Variants in TRPM8 observed in about 807,000 individuals in gnomAD.
TRPM8 encodes the protein TRPM8 cationic channel.
In TRPM8, 110 loss-of-function variants were observed where a neutral mutation model predicts 133.7. That is an observed-to-expected ratio of 0.82 (90% CI 0.70 to 0.96). The LOEUF (loss-of-function observed/expected upper bound fraction) is 0.96. Ranked by LOEUF, TRPM8 falls within the 40% of genes least tolerant of loss-of-function variation. TRPM8 has a pLI of 0.00. For missense variants in TRPM8, 1,291 were observed against 1,379.5 expected (o/e 0.94, Z 1.02); for synonymous variants, 535 against 532.3 (o/e 1.01, Z -0.07).
In TRPM8 at chr2:233,927,845, TTCCTTC is replaced by T. The variant is rs1360430947; in HGVS notation, c.117+1192_117+1197del. Among the ~76,000 whole-genome samples, 258 of 82,998 alleles carry T rather than the reference TTCCTTC, an allele frequency of 3.1e-3. 34 individuals are homozygous for T. Among genetic ancestry groups the T allele is most frequent in the Middle Eastern group, 5.1e-3 (1 of 196 alleles). 54.4% of individuals were successfully genotyped at this position (82,998 alleles called of 152,430 possible). On this transcript the variant is annotated intron_variant, in intron 2 of 25. Transcript: ENST00000324695. ...CTTCCTTCCTTCCTTCCTTCCTTCC[TTCCTTC>T]CTTTCTTTCTCTTTCTTTCTTTCTT...
At chr2:234,003,945 G>A (rs572642076) in intron 22 of TRPM8, among the ~76,000 whole-genome samples, 2 of 152,160 alleles carry the variant, frequency 1.3e-5, no homozygotes, top group South Asian at 2.1e-4. Context: ...CTCCAGATTA[G>A]GGGTGAGGTT....
At chr2:233,921,062 T>C (rs1262786085) in intron 1 of TRPM8, among the ~76,000 whole-genome samples, 1 of 152,044 alleles carries the variant, frequency 6.6e-6, no homozygotes, top group African/African-American at 2.4e-5. Context: ...GGTTTCACCA[T>C]GTTGGCCAGG....
intron 6 of TRPM8, chr2:233,942,994 ACAGT>A: frequency 1.7e-6 from 1 of 587,992 alleles, no homozygotes; most frequent in Non-Finnish European, 3.0e-6. Context: ...ATCTCATATC[ACAGT>A]CAGGTTCTTT....
At chr2:233,961,612 CTTCTTTTCTT>C (rs1175402298) in intron 12 of TRPM8, among the ~76,000 whole-genome samples, 9 of 135,038 alleles carry the variant, frequency 6.7e-5, no homozygotes, top group African/African-American at 2.0e-4. Context: ...CCTCTTTTTT[CTTCTTTTCTT>C]TTCTTTTCTT....
intron 21 of TRPM8, among the ~76,000 whole-genome samples, chr2:233,994,290 A>G (rs892649780): frequency 6.6e-6 from 1 of 152,190 alleles, no homozygotes; most frequent in African/African-American, 2.4e-5. Context: ...GATGCTTGCT[A>G]TTAGCCTCAA....
In TRPM8 at chr2:233,939,158, A is replaced by G. The variant is rs1392198455; in HGVS notation, c.509A>G (p.Tyr170Cys). The part of the protein sequence containing the change: ...RMRKIFSRLI[Y>C]IAQSKGAWIL... ...CGCAAGATCTTCAGCCGGCTCATCT[A>G]CATCGCGCAGTCCAAAGGTGAGGGT... The change falls in exon 5 of 26, where the codon TAC (tyrosine) becomes TGC (cysteine). Residue 170 changes from tyrosine to cysteine, a missense_variant. Transcript: ENST00000324695. 2 of 1,614,054 alleles carry G rather than the reference A, an allele frequency of 1.2e-6. No homozygotes were observed. The highest frequency in any genetic ancestry group is 1.1e-5 in the South Asian group (1 of 91,080).
chr2:234,018,540 C>T lies in TRPM8; in HGVS notation c.*1284C>T, dbSNP rs1425562250. 1 of 151,820 alleles carries T rather than the reference C, an allele frequency of 6.6e-6. No individual in the cohort carries two copies. Among genetic ancestry groups the T allele is most frequent in the East Asian group, 1.9e-4 (1 of 5,198 alleles). 9.4% of individuals were successfully genotyped at this position (151,820 alleles called of 1,614,324 possible). ...AAGATATGAGATACATGAACCTGAACTATTAAAATAAAATATTATATTTAA... is the reference window on the plus strand; with the variant it reads ...AAGATATGAGATACATGAACCTGAATTATTAAAATAAAATATTATATTTAA... On this transcript the variant is annotated 3_prime_UTR_variant, in exon 26 of 26. Coordinates refer to ENST00000324695, the MANE Select transcript of TRPM8 (RefSeq NM_024080.5).
At chr2:233,990,598 G>A (rs1322986382) in intron 21 of TRPM8, among the ~76,000 whole-genome samples, 2 of 152,142 alleles carry the variant, frequency 1.3e-5, no homozygotes, top group Non-Finnish European at 2.9e-5. Flanking sequence ...CTATTATAAT[G>A]AGCACAGGTC....
At chr2:233,988,490 G>GA (rs1559543432) in intron 21 of TRPM8, among the ~76,000 whole-genome samples, 2 of 151,862 alleles carry the variant, frequency 1.3e-5, no homozygotes, top group East Asian at 3.9e-4. Flanking sequence ...TTCAATGAAT[G>GA]AAAAAAATGG....
In TRPM8 at chr2:234,006,993, G is replaced by C. The variant is rs761923740; in HGVS notation, c.3230+41G>C. 1.6e-5 allele frequency: 24 copies of C among 1,480,826 alleles called. No individual in the cohort carries two copies. The Middle Eastern group carries it at 5.1e-4, about 32-fold the overall frequency. 91.7% of individuals were successfully genotyped at this position (1,480,826 alleles called of 1,614,324 possible). A position where few individuals can be genotyped will look rare whatever the true frequency, so the allele number is the denominator to read the frequency against. On this transcript the variant is annotated intron_variant, in intron 23 of 25. Transcript: ENST00000324695. ...CTTTCTGCTTTGCAAGGCTCCCTCT[G>C]TAGACATAAGCCCATAGAACGTAGG...
chr2:234,013,993 T>C (rs968592973), intron 24 of TRPM8, among the ~76,000 whole-genome samples: 2 of 152,166 alleles, frequency 1.3e-5, no homozygotes, highest in Non-Finnish European at 2.9e-5. Context: ...AATGTAGTAA[T>C]ATGACATGTA....
intron 21 of TRPM8, among the ~76,000 whole-genome samples, chr2:233,995,499 C>G (rs1442612143): frequency 6.6e-6 from 1 of 152,214 alleles, no homozygotes; most frequent in Non-Finnish European, 1.5e-5. Flanking sequence ...CCCAAGGTGA[C>G]TGCCATTTGT....
intron 1 of TRPM8, among the ~76,000 whole-genome samples, chr2:233,921,677 C>CTTTTTTTTTTTTTTTTTTTTTT (rs11373529): frequency 9.4e-6 from 1 of 106,658 alleles, no homozygotes; most frequent in African/African-American, 3.8e-5. Context: ...CTTTTCTTTT[C>CTTTTTTTTTTTTTTTTTTTTTT]TTTTTTTTTT....
At chr2:233,918,818 C>A (rs755293434) in intron 1 of TRPM8, among the ~76,000 whole-genome samples, 3 of 152,114 alleles carry the variant, frequency 2.0e-5, no homozygotes, top group Non-Finnish European at 4.4e-5. Flanking sequence ...CTGCCATGCC[C>A]CTGCCAAAAT....
In TRPM8 at chr2:233,961,074, C is replaced by CT. The variant is rs1350045052; in HGVS notation, c.1653+9dup. ...ATGGACATAGAACTCCACGTAGGTA[C>CT]TGGGAGAGTTGCCTGCTTGAGTTCT... On this transcript the variant is annotated intron_variant, in intron 12 of 25. Coordinates refer to ENST00000324695, the MANE Select transcript of TRPM8 (RefSeq NM_024080.5). The CT allele has an allele frequency of 6.2e-7, 1 of 1,609,194 alleles. No individual in the cohort carries two copies. Among genetic ancestry groups the CT allele is most frequent in the Non-Finnish European group, 8.5e-7 (1 of 1,176,944 alleles).
At chr2:233,938,719 G>A (rs1021852405) in intron 4 of TRPM8, among the ~76,000 whole-genome samples, 7 of 152,136 alleles carry the variant, frequency 4.6e-5, no homozygotes, top group Admixed American at 1.3e-4. Flanking sequence ...GGTGAGCAGA[G>A]GGGTGACTTT....
chr2:233,957,148 T>C (rs1368113099), intron 11 of TRPM8, among the ~76,000 whole-genome samples: 4 of 152,162 alleles, frequency 2.6e-5, no homozygotes, highest in Non-Finnish European at 5.9e-5. Flanking sequence ...CTGCTAAATT[T>C]TTAGAGATTT....
At position 233,980,216 on chromosome 2, in the gene TRPM8, C is replaced by T. The variant is rs1691972066; in HGVS notation, c.2384C>T (p.Thr795Ile). 2 of 1,604,316 alleles carry T rather than the reference C, an allele frequency of 1.2e-6. No individual in the cohort carries two copies. Among genetic ancestry groups the T allele is most frequent in the Admixed American group, 1.7e-5 (1 of 58,052 alleles). ...TACGTAAATGGGGTGAATTATTTTACTGACCTGTGGAATGTGATGGACACG... is the reference window on the plus strand; with the variant it reads ...TACGTAAATGGGGTGAATTATTTTATTGACCTGTGGAATGTGATGGACACG... ...QWYVNGVNYF[T>I]DLWNVMDTLG... Residue 795 changes from threonine to isoleucine, a missense_variant, in exon 18 of 26, where the codon ACT becomes ATT. Physicochemically the swap from Thr to Ile is moderately conservative, Grantham distance 89. This residue lies in a region of TRPM8 where 328 missense variants were observed against 410.6 expected (regional missense o/e 0.80). Transcript: ENST00000324695.
intron 21 of TRPM8, among the ~76,000 whole-genome samples, chr2:233,987,388 A>G (rs138932331): frequency 1.3e-5 from 2 of 152,384 alleles, no homozygotes; most frequent in Non-Finnish European, 2.9e-5. Context: ...CATTACATTC[A>G]TAATTTAGAA....
Sources: allele counts gnomAD v4.1 joint callset (sites outside exome capture counted in the v4.1 genomes callset), GRCh38; gene constraint gnomAD v4.1.1; regional missense constraint gnomAD v4.1.1; transcripts MANE v1.5; gene names NCBI Gene and HGNC (gene_info 2026-07-23, HGNC 2026-07-21).